WDR17: variants seen among roughly 807,000 people sequenced by gnomAD.
WDR17 encodes the protein WD repeat-containing protein 17.
WDR17 carries 143 observed loss-of-function variants against 161.7 expected under a neutral mutation model. The observed-to-expected ratio is 0.88, with a 90% confidence interval of 0.77 to 1.02. The LOEUF (loss-of-function observed/expected upper bound fraction) is 1.02, where lower values mean the gene tolerates loss of function less well. WDR17 is among the 50% of genes least tolerant of loss of function. The pLI is 0.00. For missense variants in WDR17, 1,469 were observed against 1,520.9 expected, an observed-to-expected ratio of 0.97 and a Z score of 0.57; for synonymous variants, 517 against 515.6, an observed-to-expected ratio of 1.00 and a Z score of -0.04.
intron 1 of WDR17, among the ~76,000 whole-genome samples, chr4:176,070,617 A>G (rs916760682): frequency 6.6e-6 from 1 of 151,436 alleles, no homozygotes; most frequent in African/African-American, 2.4e-5. Flanking sequence ...AGGCTCAATC[A>G]ATCCCCCCAC....
In WDR17 at chr4:176,066,081, T is replaced by C. The variant is rs558546679; in HGVS notation, c.-7+2T>C. ...CGCTGCAGCCGCCTCCTCCTCCAGGTAAGAAGCCGGTGGGGCCGCAGAGAT... is the reference window on the plus strand; with the variant it reads ...CGCTGCAGCCGCCTCCTCCTCCAGGCAAGAAGCCGGTGGGGCCGCAGAGAT... On this transcript the variant is annotated splice_donor_variant, in intron 1 of 28. Coordinates refer to ENST00000508596, the MANE Select transcript of WDR17 (RefSeq NM_181265.4). LOFTEE classifies it low-confidence loss of function (5UTR_SPLICE). The C allele has an allele frequency of 6.6e-6, 1 of 152,442 alleles. No individual in the cohort carries two copies. Among genetic ancestry groups the C allele is most frequent in the South Asian group, 2.1e-4 (1 of 4,822 alleles). 9.4% of individuals were successfully genotyped at this position (152,442 alleles called of 1,614,324 possible). A position where few individuals can be genotyped will look rare whatever the true frequency, so the allele number is the denominator to read the frequency against.
At chr4:176,147,275 G>T (rs942972221) in intron 12 of WDR17, among the ~76,000 whole-genome samples, 2 of 152,126 alleles carry the variant, frequency 1.3e-5, no homozygotes, top group Non-Finnish European at 2.9e-5. Context: ...CTACTATTTT[G>T]TTGTCAGTTT....
chr4:176,092,924 C>G (rs1034206836), intron 1 of WDR17, among the ~76,000 whole-genome samples: 1 of 152,086 alleles, frequency 6.6e-6, no homozygotes, highest in Admixed American at 6.6e-5. Flanking sequence ...TGCCTGTGGT[C>G]CCAGCTACTT....
In WDR17 at chr4:176,159,981, C is replaced by T; in HGVS notation, c.2526-13C>T. ...ATAATATATTGTTTAAAAAACTGTC[C>T]TTATTTTATTAGGAGAGCTGACCAA... On this transcript the variant is annotated splice_polypyrimidine_tract_variant and intron_variant, in intron 18 of 28. Coordinates refer to ENST00000508596, the MANE Select transcript of WDR17 (RefSeq NM_181265.4). The T allele has an allele frequency of 6.4e-7, 1 of 1,571,366 alleles. No individual in the cohort carries two copies. The highest frequency in any genetic ancestry group is 8.7e-7 in the Non-Finnish European group (1 of 1,154,104).
chr4:176,173,702 A>C (rs921936546), intron 25 of WDR17, among the ~76,000 whole-genome samples: 25 of 151,866 alleles, frequency 1.6e-4, no homozygotes, highest in Non-Finnish European at 1.2e-4. Context: ...TTTTTAGTAG[A>C]GACGGGGTTT....
intron 3 of WDR17, among the ~76,000 whole-genome samples, chr4:176,119,509 T>C (rs533786008): frequency 1.2e-4 from 19 of 152,218 alleles, no homozygotes; most frequent in Non-Finnish European, 2.2e-4. Flanking sequence ...CACTACCTTG[T>C]ATACCTAGAA....
intron 1 of WDR17, among the ~76,000 whole-genome samples, chr4:176,104,634 A>T (rs529032988): frequency 1.3e-5 from 2 of 152,136 alleles, no homozygotes; most frequent in African/African-American, 4.8e-5. Flanking sequence ...GAGGTTTTGT[A>T]TGTAATTGAA....
chr4:176,095,299 A>T (rs1183926817), intron 1 of WDR17, among the ~76,000 whole-genome samples: 2 of 152,178 alleles, frequency 1.3e-5, no homozygotes, highest in Non-Finnish European at 1.5e-5. Flanking sequence ...TAGCCAAGGT[A>T]ACAGATTCAA....
chr4:176,097,305 CTA>C (rs1345726037), intron 1 of WDR17, among the ~76,000 whole-genome samples: 2 of 151,876 alleles, frequency 1.3e-5, no homozygotes, highest in Admixed American at 6.6e-5. Flanking sequence ...AAAAACCAGA[CTA>C]TGTGCAGTTT....
At chr4:176,169,074 A>G (rs1232986654) in intron 23 of WDR17, among the ~76,000 whole-genome samples, 2 of 152,220 alleles carry the variant, frequency 1.3e-5, no homozygotes, top group East Asian at 3.8e-4. Context: ...ATTTGCCCAA[A>G]TTAGTTAGCG....
intron 22 of WDR17, among the ~76,000 whole-genome samples, chr4:176,164,730 G>T (rs898188224): frequency 6.6e-6 from 1 of 152,034 alleles, no homozygotes; most frequent in African/African-American, 2.4e-5. Flanking sequence ...AGTGAATCAG[G>T]AATTTCAAAG....
chr4:176,159,131 G>T (rs1341297353), intron 18 of WDR17, among the ~76,000 whole-genome samples: 1 of 151,952 alleles, frequency 6.6e-6, no homozygotes, highest in East Asian at 1.9e-4. Flanking sequence ...ATTGAATTCT[G>T]GTTTAATGTA....
chr4:176,130,480 C>G (rs1178126149), intron 6 of WDR17, among the ~76,000 whole-genome samples: 1 of 152,044 alleles, frequency 6.6e-6, no homozygotes, highest in Admixed American at 6.6e-5. Flanking sequence ...CGCGGTGGCT[C>G]ATGCCTGTAA....
Position 176,139,949 on chromosome 4 carries a change from G to C in WDR17, c.1417G>C (p.Ala473Pro), listed in dbSNP as rs1561164950. Residue 473 changes from alanine (A) to proline (P), a missense_variant, in exon 10 of 29, where the codon GCA (alanine) becomes CCA (proline). Physicochemically the swap from Ala to Pro is conservative, Grantham distance 27. Coordinates refer to ENST00000508596, the MANE Select transcript of WDR17 (RefSeq NM_181265.4). ...GAGTCATAAAGATTCTAAAAGAATA[G>C]CAACCTGCAGCAGTGATGGTTTCTG... ...AWSHKDSKRIATCSSDGFCII... is the reference protein window; with the variant it reads ...AWSHKDSKRIPTCSSDGFCII... 1.9e-6 allele frequency: 3 copies of C among 1,611,856 alleles called. No homozygotes were observed. The highest frequency in any genetic ancestry group is 2.5e-6 in the Non-Finnish European group (3 of 1,178,662).
chr4:176,163,569 C>A (rs1281837790), intron 22 of WDR17, among the ~76,000 whole-genome samples: 1 of 152,178 alleles, frequency 6.6e-6, no homozygotes, highest in Non-Finnish European at 1.5e-5. Flanking sequence ...AACAAATGTG[C>A]TCTTCTTAAG....
chr4:176,077,199 A>G lies in WDR17; in HGVS notation c.-7+11120A>G, dbSNP rs965092238. On this transcript the variant is annotated intron_variant, in intron 1 of 28. Transcript: ENST00000508596. ...TTTTTTTTCACTAAGAGCTGTAGTC[A>G]CTGAGTAAATATAAGGGCGGGGGTC... 3.7e-5 allele frequency among the ~76,000 whole-genome samples: 5 copies of G among 135,212 alleles called. No individual in the cohort carries two copies. In the Admixed American group the frequency reaches 4.5e-4, roughly 12 times the overall value. 88.7% of individuals were successfully genotyped at this position (135,212 alleles called of 152,430 possible).
At chr4:176,068,295 T>C (rs1371350785) in intron 1 of WDR17, 1 of 152,180 alleles carries the variant, frequency 6.6e-6, no homozygotes, top group Non-Finnish European at 1.5e-5. Context: ...ATTATATTAA[T>C]TTATAGAAAT....
intron 1 of WDR17, among the ~76,000 whole-genome samples, chr4:176,109,732 G>T (rs894204202): frequency 6.6e-6 from 1 of 152,188 alleles, no homozygotes; most frequent in Non-Finnish European, 1.5e-5. Context: ...AAAAGAATTA[G>T]ATTAAGAGTT....
chr4:176,138,944 G>A (rs563240683), intron 9 of WDR17, among the ~76,000 whole-genome samples: 1 of 151,942 alleles, frequency 6.6e-6, no homozygotes, highest in South Asian at 2.1e-4. Context: ...ATAGTAGAGA[G>A]TCATAAATGC....
Sources: gnomAD v4.1 joint callset for allele counts (sites outside exome capture counted in the v4.1 genomes callset) on GRCh38, gnomAD v4.1.1 for gene constraint, MANE v1.5 for transcripts, NCBI Gene and HGNC (gene_info 2026-07-23, HGNC 2026-07-21) for gene names.